ARHGEF10L: variants seen among roughly 807,000 people sequenced by gnomAD.
The protein encoded by ARHGEF10L is Rho guanine nucleotide exchange factor 10 like, also known as rho guanine nucleotide exchange factor 10-like protein.
Under a neutral mutation model 141.2 loss-of-function variants are expected in ARHGEF10L, and 69 were observed. The ratio of observed to expected loss-of-function variants is 0.49; its 90% CI spans 0.40 to 0.60. The LOEUF (loss-of-function observed/expected upper bound fraction) is 0.60. ARHGEF10L is among the 20% of genes least tolerant of loss of function. The pLI is 0.00. For synonymous variants in ARHGEF10L, 711 were observed against 718.5 expected, an observed-to-expected ratio of 0.99 and a Z score of 0.17; for missense variants, 1,482 against 1,734.3, an observed-to-expected ratio of 0.85 and a Z score of 2.58.
chr1:17,671,954 G>C (rs58209334), intron 26 of ARHGEF10L, among the ~76,000 whole-genome samples: 4,156 of 152,282 alleles, frequency 0.027, 180 homozygotes, highest in African/African-American at 0.093. Flanking sequence ...TTCCCCAAGT[G>C]GGGGGTGGGG....
intron 1 of ARHGEF10L, among the ~76,000 whole-genome samples, chr1:17,574,026 GTC>G (rs2078119727): frequency 6.6e-6 from 1 of 152,188 alleles, no homozygotes; most frequent in Admixed American, 6.5e-5. Flanking sequence ...TGTCCATCAG[GTC>G]GGTGAGGGAG....
chr1:17,645,177 T>G (rs1262793581), intron 21 of ARHGEF10L, among the ~76,000 whole-genome samples: 1 of 152,092 alleles, frequency 6.6e-6, no homozygotes, highest in Non-Finnish European at 1.5e-5. Flanking sequence ...GGTTCTGCAG[T>G]CGGTGCCAGT....
chr1:17,516,356 G>C, the ARHGEF10L span, among the ~76,000 whole-genome samples: 1 of 152,258 alleles, frequency 6.6e-6, no homozygotes, highest in African/African-American at 2.4e-5. Flanking sequence ...CCCGCTGGGG[G>C]TGTGGGTGGG....
intron 15 of ARHGEF10L, among the ~76,000 whole-genome samples, chr1:17,630,893 T>C (rs2060641458): frequency 2.6e-5 from 4 of 152,164 alleles, no homozygotes; most frequent in Admixed American, 2.6e-4. Context: ...GATCTGTCCT[T>C]TTCTCTCCTG....
At chr1:17,530,448 A>AG in the ARHGEF10L span, among the ~76,000 whole-genome samples, 1 of 150,584 alleles carries the variant, frequency 6.6e-6, no homozygotes, top group Admixed American at 6.6e-5. Context: ...GAGATGGTGC[A>AG]GGGGGTGAGG....
At chr1:17,653,829 C>G (rs971758238) in intron 22 of ARHGEF10L, among the ~76,000 whole-genome samples, 3 of 152,264 alleles carry the variant, frequency 2.0e-5, no homozygotes, top group Non-Finnish European at 4.4e-5. Flanking sequence ...AAGTTGGCAT[C>G]TGCGCAATGA....
chr1:17,535,227 G>A (rs968552943), upstream of ARHGEF10L, among the ~76,000 whole-genome samples: 4 of 152,264 alleles, frequency 2.6e-5, no homozygotes, highest in African/African-American at 9.6e-5. Flanking sequence ...CACATGCACA[G>A]TTCACAACAG....
At chr1:17,555,845 T>G (rs2077284738) in intron 1 of ARHGEF10L, among the ~76,000 whole-genome samples, 1 of 152,006 alleles carries the variant, frequency 6.6e-6, no homozygotes, top group African/African-American at 2.4e-5. Flanking sequence ...AGCGGGAGCC[T>G]TCCTGGGAGG....
intron 15 of ARHGEF10L, 57 bp from the exon 16 acceptor site, chr1:17,632,264 C>T (rs552472041): frequency 5.2e-5 from 83 of 1,601,060 alleles, no homozygotes; most frequent in African/African-American, 3.7e-4. Context: ...GGGTCTCCGG[C>T]GCGGTAAAGC....
chr1:17,668,617 G>A (rs2063127016), intron 26 of ARHGEF10L, among the ~76,000 whole-genome samples: 1 of 152,302 alleles, frequency 6.6e-6, no homozygotes, highest in Middle Eastern at 3.4e-3. Context: ...CAGGAGGGCT[G>A]TTGGCTGGAG....
intron 11 of ARHGEF10L, 87 bp downstream of exon 11, chr1:17,622,028 G>A (rs1240956602): frequency 3.5e-6 from 5 of 1,443,692 alleles, no homozygotes; most frequent in African/African-American, 1.4e-5. Context: ...TTTGGGGACT[G>A]TGGGCAGTTT....
the ARHGEF10L span, among the ~76,000 whole-genome samples, chr1:17,527,596 C>G: frequency 1.3e-5 from 2 of 152,108 alleles, no homozygotes; most frequent in South Asian, 4.1e-4. Context: ...CTGGTGGCTT[C>G]TGGGAAAATG....
At chr1:17,640,143 G>T (rs1157699243) in intron 20 of ARHGEF10L, 59 bp from the exon 21 acceptor site, 9 of 1,563,354 alleles carry the variant, frequency 5.8e-6, no homozygotes, top group Admixed American at 1.8e-5. Flanking sequence ...CGTGACAGCT[G>T]GGGGAGCCTG....
rs769765798 is a variant in ARHGEF10L at position 17,656,001 on chromosome 1, G to A, written c.2604G>A (p.Pro868=). The change falls in exon 24 of 29, where the codon CCG becomes CCA. Residue 868 remains proline, a synonymous_variant. Transcript: ENST00000361221. This position sits in a 1 kb window ranked among gnomAD's most constrained non-coding sequence, Gnocchi z 4.9. ...CTGTGCTCTGCATGGAGTATATCCCGGAGCTGGAGGAGGAGGCGGAGAGCA... is the reference window on the plus strand; with the variant it reads ...CTGTGCTCTGCATGGAGTATATCCCAGAGCTGGAGGAGGAGGCGGAGAGCA... ...AAPVLCMEYI[P]ELEEEAESRD... 1.8e-5 allele frequency: 29 copies of A among 1,571,188 alleles called. No homozygotes were observed. The highest frequency in any genetic ancestry group is 1.6e-4 in the African/African-American group (12 of 74,244).
chr1:17,531,995 A>C, the ARHGEF10L span, among the ~76,000 whole-genome samples: 1 of 152,034 alleles, frequency 6.6e-6, no homozygotes, highest in African/African-American at 2.4e-5. Context: ...GTGGGAGCTG[A>C]GCACCCCCCA....
chr1:17,583,495 T>C lies in ARHGEF10L; in HGVS notation c.37+2863T>C, dbSNP rs2078766262. Among the ~76,000 whole-genome samples the C allele has an allele frequency of 3.3e-5, 5 of 152,220 alleles. No individual in the cohort carries two copies. In the South Asian group the frequency reaches 1.0e-3, roughly 32 times the overall value. On this transcript the variant is annotated intron_variant, in intron 2 of 28. Coordinates refer to ENST00000361221, the MANE Select transcript of ARHGEF10L (RefSeq NM_018125.4). Reference sequence around the variant, plus strand: ...CACCCTGCACCAGGTGCTTTATTTATGTTCATTCATTCCCTCCTCCCAACA... The same window carrying C: ...CACCCTGCACCAGGTGCTTTATTTACGTTCATTCATTCCCTCCTCCCAACA...
chr1:17,633,641 C>T (rs116488108), intron 16 of ARHGEF10L, among the ~76,000 whole-genome samples: 3,097 of 152,242 alleles, frequency 0.02, 98 homozygotes, highest in African/African-American at 0.07. Context: ...CGTAAGCCAC[C>T]GTGCCCCACC....
chr1:17,625,277 G>A lies in ARHGEF10L; in HGVS notation c.1318-679G>A, dbSNP rs2060320191. On this transcript the variant is annotated intron_variant, in intron 13 of 28. Transcript: ENST00000361221. This position sits in a 1 kb window ranked among gnomAD's most constrained non-coding sequence, Gnocchi z 4.5. ...GCAAAGGTTAGAGGCAGGAGGAGAG[G>A]GATGGGCAGGTCTGTTTGGATTCTG... 6.6e-6 allele frequency among the ~76,000 whole-genome samples: 1 copy of A among 152,186 alleles called. No individual in the cohort carries two copies. Among genetic ancestry groups the A allele is most frequent in the African/African-American group, 2.4e-5 (1 of 41,452 alleles).
intron 17 of ARHGEF10L, 21 bp downstream of exon 17, chr1:17,634,583 CGGGGCTCTGGGGCTCT>C (rs748233176): frequency 5.0e-6 from 8 of 1,613,008 alleles, no homozygotes; most frequent in East Asian, 4.5e-5. Flanking sequence ...CAGGGGGCTC[CGGGGCTCTGGGGCTCT>C]GGGGCTCTGG....
Sources: allele counts gnomAD v4.1 joint callset (sites outside exome capture counted in the v4.1 genomes callset), GRCh38; gene constraint gnomAD v4.1.1; non-coding constraint Gnocchi (gnomAD v3.1); transcripts MANE v1.5; gene names NCBI Gene and HGNC (gene_info 2026-07-23, HGNC 2026-07-21).